The following MLLT3 variants were observed in gnomAD, a reference collection of about 807,000 sequenced individuals.
MLLT3 encodes the protein MLLT3 super elongation complex subunit.
In MLLT3, 4 loss-of-function variants were observed where a neutral mutation model predicts 53.2. The observed-to-expected ratio is 0.08, with a 90% CI of 0.04 to 0.17. The LOEUF (loss-of-function observed/expected upper bound fraction) is 0.17. Ranked by LOEUF, MLLT3 falls within the 10% of genes least tolerant of loss-of-function variation. MLLT3 has a pLI of 1.00. For missense variants in MLLT3, 569 were observed against 684.0 expected, an observed-to-expected ratio of 0.83 and a Z score of 1.87; for synonymous variants, 283 against 230.6, an observed-to-expected ratio of 1.23 and a Z score of -2.06.
chr9:20,342,152 CT>C lies in MLLT3; in HGVS notation c.*4290del. On this transcript the variant is annotated 3_prime_UTR_variant, in exon 11 of 11. Transcript: ENST00000380338. ...TTCCTGTATGCAAAATAAAGCCAAA[CT>C]TTGGTCAAATGACTCTCAGCAAATC... is the stretch of plus-strand genomic sequence containing the variant. 4.6e-6 allele frequency: 1 copy of C among 216,382 alleles called. No homozygotes were observed. The highest frequency in any genetic ancestry group is 9.3e-6 in the Non-Finnish European group (1 of 107,354). The allele number at this position is 216,382 out of a possible 1,614,324, so 13.4% of individuals were successfully genotyped here. A position where few individuals can be genotyped will look rare whatever the true frequency, so the allele number is the denominator to read the frequency against.
At chr9:20,563,445 T>C (rs185453161) in intron 2 of MLLT3, among the ~76,000 whole-genome samples, 1 of 152,212 alleles carries the variant, frequency 6.6e-6, no homozygotes, top group Admixed American at 6.5e-5. Context: ...CCTTTTCCTT[T>C]TCTTTTTGTT....
chr9:20,503,909 C>A (rs187114912), intron 2 of MLLT3, among the ~76,000 whole-genome samples: 1 of 152,238 alleles, frequency 6.6e-6, no homozygotes, highest in Non-Finnish European at 1.5e-5. Flanking sequence ...AAAGACATTT[C>A]TCAAAAGACG....
chr9:20,574,582 G>A (rs1168841466), intron 2 of MLLT3, among the ~76,000 whole-genome samples: 2 of 152,124 alleles, frequency 1.3e-5, no homozygotes, highest in African/African-American at 4.8e-5. Context: ...TTTTAAAAAT[G>A]CTTTATTGCT....
intron 2 of MLLT3, among the ~76,000 whole-genome samples, chr9:20,487,237 G>A (rs1824836667): frequency 6.6e-6 from 1 of 152,002 alleles, no homozygotes; most frequent in South Asian, 2.1e-4. Flanking sequence ...TCTGCTAAAT[G>A]TAAGGAGAAA....
intron 2 of MLLT3, among the ~76,000 whole-genome samples, chr9:20,564,235 T>C (rs1300357165): frequency 6.6e-6 from 1 of 152,104 alleles, no homozygotes; most frequent in Non-Finnish European, 1.5e-5. Flanking sequence ...ACTACTAACT[T>C]CACTTAAGCC....
chr9:20,417,111 AC>A (rs1314496252), intron 4 of MLLT3, among the ~76,000 whole-genome samples: 57 of 151,174 alleles, frequency 3.8e-4, no homozygotes, highest in Non-Finnish European at 6.6e-4. Flanking sequence ...TAGCTCAGAT[AC>A]ACAGCCAGAC....
chr9:20,494,982 T>C (rs146394407), intron 2 of MLLT3, among the ~76,000 whole-genome samples: 341 of 152,296 alleles, frequency 2.2e-3, no homozygotes, highest in Middle Eastern at 0.01. Flanking sequence ...GGTTGGCTTT[T>C]AAATTGGCCC....
chr9:20,342,878 T>C lies in MLLT3; in HGVS notation c.*3565A>G, dbSNP rs968719568. The C allele has an allele frequency of 5.6e-6, 1 of 179,834 alleles. No homozygotes were observed. Among genetic ancestry groups the C allele is most frequent in the African/African-American group, 2.4e-5 (1 of 41,802 alleles). The allele number at this position is 179,834 out of a possible 1,614,324, so 11.1% of individuals were successfully genotyped here. A position where few individuals can be genotyped will look rare whatever the true frequency, so the allele number is the denominator to read the frequency against. ...TATATATAAATATAGGAGCAGTACA[T>C]AGCATTAGTACACAAAACGCTAAAG... is the stretch of plus-strand genomic sequence containing the variant. On this transcript the variant is annotated 3_prime_UTR_variant, in exon 11 of 11. Transcript: ENST00000380338.
At chr9:20,516,674 A>C (rs144938723) in intron 2 of MLLT3, among the ~76,000 whole-genome samples, 2 of 152,374 alleles carry the variant, frequency 1.3e-5, no homozygotes, top group African/African-American at 4.8e-5. Context: ...TGAACCAAAA[A>C]AGAATCTGAG....
intron 5 of MLLT3, among the ~76,000 whole-genome samples, chr9:20,411,414 C>T (rs1233044134): frequency 2.0e-5 from 3 of 152,116 alleles, no homozygotes; most frequent in Non-Finnish European, 2.9e-5. Flanking sequence ...TCTTCTGTTA[C>T]GCTACCTACT....
chr9:20,443,815 G>A (rs1823618524), intron 4 of MLLT3, among the ~76,000 whole-genome samples: 1 of 152,092 alleles, frequency 6.6e-6, no homozygotes, highest in Admixed American at 6.6e-5. Flanking sequence ...TTCCCTATGA[G>A]GAAAACACTG....
At chr9:20,441,075 TCTC>T (rs1272476868) in intron 4 of MLLT3, among the ~76,000 whole-genome samples, 4 of 152,142 alleles carry the variant, frequency 2.6e-5, no homozygotes, top group African/African-American at 2.4e-5. Context: ...CATCTCCCTC[TCTC>T]CTCTGTTTTT....
intron 2 of MLLT3, among the ~76,000 whole-genome samples, chr9:20,608,078 CT>C (rs982695964): frequency 1.3e-5 from 2 of 151,878 alleles, no homozygotes; most frequent in African/African-American, 2.4e-5. Flanking sequence ...TGCCCTAAAT[CT>C]TTTTTTCTCT....
chr9:20,555,383 T>C (rs773774352), intron 2 of MLLT3, among the ~76,000 whole-genome samples: 9 of 152,178 alleles, frequency 5.9e-5, no homozygotes, highest in Admixed American at 1.3e-4. Flanking sequence ...CTTGAACTCC[T>C]GGGTTCAAAC....
At chr9:20,357,981 GCA>G (rs3222132) in intron 8 of MLLT3, among the ~76,000 whole-genome samples, 17,778 of 139,042 alleles carry the variant, frequency 0.13, 1,163 homozygotes, top group Non-Finnish European at 0.17. Context: ...TCCCTCCTGC[GCA>G]CACACACACA....
At chr9:20,534,896 C>CAAAAT (rs768217983) in intron 2 of MLLT3, among the ~76,000 whole-genome samples, 15 of 151,514 alleles carry the variant, frequency 9.9e-5, no homozygotes, top group East Asian at 5.8e-4. Context: ...AAAAATAAAA[C>CAAAAT]AAAATAAAAT....
chr9:20,572,349 T>A (rs1009922493), intron 2 of MLLT3, among the ~76,000 whole-genome samples: 1 of 151,960 alleles, frequency 6.6e-6, no homozygotes, highest in Non-Finnish European at 1.5e-5. Context: ...GCTGAGAGAG[T>A]AGATATTAAA....
At chr9:20,402,681 C>A (rs951977453) in intron 5 of MLLT3, among the ~76,000 whole-genome samples, 1 of 152,260 alleles carries the variant, frequency 6.6e-6, no homozygotes, top group South Asian at 2.1e-4. Context: ...CCCTGAAATA[C>A]ATCAAGTCAT....
chr9:20,587,945 G>C (rs1820019552), intron 2 of MLLT3, among the ~76,000 whole-genome samples: 1 of 151,486 alleles, frequency 6.6e-6, no homozygotes, highest in Non-Finnish European at 1.5e-5. Flanking sequence ...GTAATGCCTA[G>C]GTTTTCTTCT....
Sources: allele counts gnomAD v4.1 joint callset (sites outside exome capture counted in the v4.1 genomes callset), GRCh38; gene constraint gnomAD v4.1.1; transcripts MANE v1.5; gene names NCBI Gene and HGNC (gene_info 2026-07-23, HGNC 2026-07-21).